FOXP1: variants seen among roughly 807,000 people sequenced by gnomAD.
FOXP1 encodes forkhead box P1, also known as forkhead box protein P1.
FOXP1 carries 15 observed loss-of-function variants against 98.2 expected under a neutral mutation model. The observed-to-expected ratio is 0.15, with a 90% CI of 0.10 to 0.24. The LOEUF is 0.24. FOXP1 is among the 10% of genes least tolerant of loss of function. The pLI, the probability that FOXP1 is intolerant of heterozygous loss-of-function variation, is 1.00. For missense variants in FOXP1, 633 were observed against 848.5 expected, an observed-to-expected ratio of 0.75 and a Z score of 3.15; for synonymous variants, 371 against 314.5, an observed-to-expected ratio of 1.18 and a Z score of -1.90.
At chr3:71,478,439 C>T (rs1010983773) in intron 3 of FOXP1, among the ~76,000 whole-genome samples, 4 of 152,156 alleles carry the variant, frequency 2.6e-5, no homozygotes, top group Admixed American at 1.3e-4. Context: ...GAAATGGGTA[C>T]AACTATGAGT....
At chr3:71,368,803 G>A (rs1270678633) in intron 3 of FOXP1, among the ~76,000 whole-genome samples, 1 of 152,140 alleles carries the variant, frequency 6.6e-6, no homozygotes, top group African/African-American at 2.4e-5. Flanking sequence ...AAGGTCAACT[G>A]CACTCCCTGT....
chr3:71,476,389 A>T (rs2089845113), intron 3 of FOXP1, among the ~76,000 whole-genome samples: 1 of 146,964 alleles, frequency 6.8e-6, no homozygotes, highest in Admixed American at 6.8e-5. Context: ...TCTGTTGGAT[A>T]TTTCTTCTGG....
chr3:71,559,375 T>C (rs1478630563), intron 2 of FOXP1, among the ~76,000 whole-genome samples: 1 of 152,238 alleles, frequency 6.6e-6, no homozygotes, highest in Non-Finnish European at 1.5e-5. Flanking sequence ...CTTATTCTTC[T>C]ATAAACAGAA....
chr3:71,187,117 A>C (rs945080919), intron 6 of FOXP1, among the ~76,000 whole-genome samples: 2 of 152,258 alleles, frequency 1.3e-5, no homozygotes, highest in African/African-American at 2.4e-5. Context: ...CCTTATACCT[A>C]GCCCCTACTC....
intron 3 of FOXP1, among the ~76,000 whole-genome samples, chr3:71,422,281 T>C (rs1177473769): frequency 6.6e-6 from 1 of 151,870 alleles, no homozygotes; most frequent in Non-Finnish European, 1.5e-5. Flanking sequence ...CCAACAACCC[T>C]CCCCCTTTTC....
At chr3:71,576,421 A>G (rs991826179) in intron 2 of FOXP1, among the ~76,000 whole-genome samples, 4 of 152,374 alleles carry the variant, frequency 2.6e-5, no homozygotes, top group Middle Eastern at 3.4e-3. Context: ...TCCCGAACAC[A>G]GCAGACATAT....
At chr3:71,389,252 GC>G (rs1274501979) in intron 3 of FOXP1, among the ~76,000 whole-genome samples, 1,225 of 7,720 alleles carry the variant, frequency 0.16, 167 homozygotes, top group East Asian at 0.24. Flanking sequence ...GGGGGGGGGG[GC>G]CGGGGGGGGC....
intron 3 of FOXP1, among the ~76,000 whole-genome samples, chr3:71,415,415 A>G (rs973623957): frequency 1.3e-5 from 2 of 152,252 alleles, no homozygotes; most frequent in African/African-American, 4.8e-5. Context: ...TATACAATGT[A>G]GACATAAAAA....
In FOXP1 at chr3:71,079,000, ACCACG is replaced by A. The variant is rs979844897; in HGVS notation, c.283-25232_283-25228del. ...CACTATAACAACTCCCCCACTTCCT[ACCACG>A]CCCACTCACGGTTTGGTTTTGCCCC... is the stretch of plus-strand genomic sequence containing the variant. On this transcript the variant is annotated intron_variant, in intron 7 of 20. Coordinates refer to ENST00000649528, the MANE Select transcript of FOXP1 (RefSeq NM_001349338.3). 9.9e-5 allele frequency among the ~76,000 whole-genome samples: 15 copies of A among 152,216 alleles called. No homozygotes were observed. In the South Asian group the frequency reaches 1.5e-3, roughly 15 times the overall value.
At chr3:70,972,489 G>A in intron 18 of FOXP1, 66 bp downstream of exon 18, 3 of 1,604,516 alleles carry the variant, frequency 1.9e-6, no homozygotes, top group Non-Finnish European at 2.6e-6. Flanking sequence ...AGCAGCCAAA[G>A]CCTCTACGTT....
chr3:70,962,712 T>G (rs1289495979), intron 20 of FOXP1, among the ~76,000 whole-genome samples: 1 of 152,208 alleles, frequency 6.6e-6, no homozygotes, highest in East Asian at 1.9e-4. Context: ...CTATCAGGTC[T>G]ATCAATCTTT....
chr3:71,121,043 C>CTT lies in FOXP1; in HGVS notation c.181-8408_181-8407dup, dbSNP rs35487973. Among the ~76,000 whole-genome samples, 760 of 144,530 alleles carry CTT rather than the reference C, an allele frequency of 5.3e-3. 6 individuals carry two copies. Among genetic ancestry groups the CTT allele is most frequent in the African/African-American group, 0.017 (685 of 39,500 alleles). The allele number at this position is 144,530 out of a possible 152,430, so 94.8% of individuals were successfully genotyped here. On this transcript the variant is annotated intron_variant, in intron 6 of 20. Coordinates refer to ENST00000649528, the MANE Select transcript of FOXP1 (RefSeq NM_001349338.3). ...AAAAAATTATATTTTTTCTTTCTTTCTTTTTTTTTTTTTTACAAGAACTGG... is the reference window on the plus strand; with the variant it reads ...AAAAAATTATATTTTTTCTTTCTTTCTTTTTTTTTTTTTTTTACAAGAACTGG...
intron 6 of FOXP1, among the ~76,000 whole-genome samples, chr3:71,185,729 A>G (rs1226221065): frequency 6.6e-6 from 1 of 152,242 alleles, no homozygotes; most frequent in African/African-American, 2.4e-5. Flanking sequence ...TTAAAATGGC[A>G]AAATGGAAAA....
chr3:71,085,021 C>A (rs1354485865), intron 7 of FOXP1, among the ~76,000 whole-genome samples: 1 of 152,194 alleles, frequency 6.6e-6, no homozygotes, highest in African/African-American at 2.4e-5. Context: ...ATAAAATAGT[C>A]ATTCCTTGTT....
intron 12 of FOXP1, among the ~76,000 whole-genome samples, chr3:71,014,758 T>C (rs1312778742): frequency 1.3e-5 from 2 of 152,138 alleles, no homozygotes; most frequent in South Asian, 2.1e-4. Context: ...CCATCAATGA[T>C]AGACTGGATT....
chr3:71,380,203 A>G (rs2080033247), intron 3 of FOXP1, among the ~76,000 whole-genome samples: 1 of 152,218 alleles, frequency 6.6e-6, no homozygotes, highest in South Asian at 2.1e-4. Flanking sequence ...TTAAGGTCAG[A>G]GTGGAGTCAG....
intron 19 of FOXP1, chr3:70,969,890 C>T (rs2035834156): frequency 1.3e-5 from 2 of 150,768 alleles, no homozygotes; most frequent in African/African-American, 2.4e-5. Context: ...AACAGGACCA[C>T]TGGCCAAAAG....
intron 6 of FOXP1, among the ~76,000 whole-genome samples, chr3:71,185,490 T>C (rs73839430): frequency 0.011 from 1,677 of 152,304 alleles, 33 homozygotes; most frequent in African/African-American, 0.038. Flanking sequence ...AAATTCAATA[T>C]AAACGTTTGT....
chr3:71,178,759 C>T (rs560432175), intron 6 of FOXP1, among the ~76,000 whole-genome samples: 1 of 152,062 alleles, frequency 6.6e-6, no homozygotes, highest in Admixed American at 6.5e-5. Flanking sequence ...TGGCAGGCGC[C>T]TGTAGTCCCA....
Sources: gnomAD v4.1 joint callset for allele counts (sites outside exome capture counted in the v4.1 genomes callset) on GRCh38, gnomAD v4.1.1 for gene constraint, MANE v1.5 for transcripts, NCBI Gene and HGNC (gene_info 2026-07-23, HGNC 2026-07-21) for gene names.